The following PLPP3 variants were observed in gnomAD, a reference collection of about 807,000 sequenced individuals.
PLPP3 encodes PAP2 beta.
Under a neutral mutation model 29.6 loss-of-function variants are expected in PLPP3, and 6 were observed. The ratio of observed to expected loss-of-function variants is 0.20; its 90% CI spans 0.11 to 0.40. PLPP3 has a LOEUF of 0.40. Ranked by LOEUF, PLPP3 falls within the 10% of genes least tolerant of loss-of-function variation. PLPP3 has a pLI of 1.00. For missense variants in PLPP3, 308 were observed against 407.7 expected, an observed-to-expected ratio of 0.76 and a Z score of 2.11; for synonymous variants, 152 against 159.7, an observed-to-expected ratio of 0.95 and a Z score of 0.36.
chr1:56,508,217 T>G (rs939362274), intron 5 of PLPP3, among the ~76,000 whole-genome samples: 1 of 152,076 alleles, frequency 6.6e-6, no homozygotes. Flanking sequence ...GAAACTCAGG[T>G]GTTGGAAAAT....
intron 1 of PLPP3, among the ~76,000 whole-genome samples, chr1:56,546,393 T>C (rs1368663950): frequency 2.0e-5 from 3 of 152,236 alleles, no homozygotes; most frequent in Non-Finnish European, 2.9e-5. Flanking sequence ...CCTTGGTTAA[T>C]GACTCTTGGG....
At chr1:56,500,294 T>C (rs996683618) in intron 5 of PLPP3, among the ~76,000 whole-genome samples, 1 of 152,112 alleles carries the variant, frequency 6.6e-6, no homozygotes, top group African/African-American at 2.4e-5. Flanking sequence ...CAATACAGCA[T>C]ATTAAGGATT....
intron 2 of PLPP3, among the ~76,000 whole-genome samples, chr1:56,532,646 G>A (rs540117133): frequency 3.9e-5 from 6 of 152,196 alleles, no homozygotes; most frequent in Admixed American, 1.3e-4. Flanking sequence ...GAGATTTTAA[G>A]GAAGAAAACA....
chr1:56,526,352 A>T (rs1645853030), intron 2 of PLPP3, among the ~76,000 whole-genome samples: 1 of 152,202 alleles, frequency 6.6e-6, no homozygotes, highest in South Asian at 2.1e-4. Context: ...TCATTAATGA[A>T]AGGGACCATT....
At chr1:56,518,713 A>ATT (rs200483478) in intron 4 of PLPP3, among the ~76,000 whole-genome samples, 4 of 123,200 alleles carry the variant, frequency 3.2e-5, no homozygotes, top group African/African-American at 1.1e-4. Context: ...TTTTTTAATC[A>ATT]TTTATATATA....
chr1:56,518,715 T>TATATATATATATATATATATATA (rs1645798825), intron 4 of PLPP3, among the ~76,000 whole-genome samples: 2 of 126,670 alleles, frequency 1.6e-5, no homozygotes, highest in African/African-American at 5.6e-5. Flanking sequence ...TTTTAATCAT[T>TATATATATATATATATATATATA]TATATATATA....
intron 1 of PLPP3, among the ~76,000 whole-genome samples, chr1:56,572,467 T>C (rs944161952): frequency 6.6e-6 from 1 of 152,192 alleles, no homozygotes; most frequent in Non-Finnish European, 1.5e-5. Flanking sequence ...TCCTAAGGCA[T>C]ATCTGTCTTT....
chr1:56,505,053 A>G (rs1054498034), intron 5 of PLPP3, among the ~76,000 whole-genome samples: 3 of 152,206 alleles, frequency 2.0e-5, no homozygotes, highest in East Asian at 1.9e-4. Flanking sequence ...GGGTGCCTCT[A>G]TTGGGTTATG....
intron 1 of PLPP3, among the ~76,000 whole-genome samples, chr1:56,569,017 T>C (rs1646180340): frequency 1.3e-5 from 2 of 152,110 alleles, no homozygotes; most frequent in South Asian, 4.1e-4. Context: ...TTAGCTCCTC[T>C]GCCTCCCATT....
intron 1 of PLPP3, among the ~76,000 whole-genome samples, chr1:56,545,650 T>C (rs1000033977): frequency 6.6e-6 from 1 of 152,280 alleles, no homozygotes; most frequent in Non-Finnish European, 1.5e-5. Flanking sequence ...TGATGCTGTA[T>C]CGGAGGCAAG....
chr1:56,514,359 C>T (rs61772593), intron 4 of PLPP3, among the ~76,000 whole-genome samples: 4,438 of 152,078 alleles, frequency 0.029, 85 homozygotes, highest in Middle Eastern at 0.048. Flanking sequence ...AGGCCTTCCA[C>T]AGAAGTTCCC....
Position 56,496,810 on chromosome 1 carries a change from C to T in PLPP3, c.811-134G>A, listed in dbSNP as rs1204672104. ...TCATAACTCTTTGAATAGGGAAGGA[C>T]AACAGAGATCATATCATCAAGGTTT... On this transcript the variant is annotated intron_variant, in intron 5 of 5. Transcript: ENST00000371250. The T allele has an allele frequency of 3.6e-6, 3 of 832,896 alleles. No homozygotes were observed. In the East Asian group the frequency reaches 8.2e-5, roughly 23 times the overall value. The allele number at this position is 832,896 out of a possible 1,614,324, so 51.6% of individuals were successfully genotyped here.
At chr1:56,557,009 AGAGAGAGAGAGAG>A (rs1178083980) in intron 1 of PLPP3, among the ~76,000 whole-genome samples, 8 of 7,298 alleles carry the variant, frequency 1.1e-3, no homozygotes, top group East Asian at 2.6e-3. Context: ...AAAGAAAGAA[AGAGAGAGAGAGAG>A]AGAAAGAGAG....
Position 56,576,256 on chromosome 1 carries a change from A to C in PLPP3, c.139+2622T>G, listed in dbSNP as rs556527977. Reference sequence around the variant, plus strand: ...ATTCCTGTGAGAGAATAAACAGAAAACTGTCTCTCTTCTTAATATATTAGT... The same window carrying C: ...ATTCCTGTGAGAGAATAAACAGAAACCTGTCTCTCTTCTTAATATATTAGT... On this transcript the variant is annotated intron_variant, in intron 1 of 5. Coordinates refer to ENST00000371250, the MANE Select transcript of PLPP3 (RefSeq NM_003713.5). Among the ~76,000 whole-genome samples the C allele has an allele frequency of 2.9e-4, 44 of 152,310 alleles. No homozygotes were observed. The East Asian group carries it at 8.1e-3, about 28-fold the overall frequency.
chr1:56,578,817 C>T, intron 1 of PLPP3, 61 bp downstream of exon 1: 1 of 1,463,402 alleles, frequency 6.8e-7, no homozygotes, highest in South Asian at 1.3e-5. Flanking sequence ...CCGGACTGGG[C>T]TGGGACGCGC....
At chr1:56,512,873 A>G (rs1174185935) in intron 4 of PLPP3, 1 of 152,212 alleles carries the variant, frequency 6.6e-6, no homozygotes, top group Non-Finnish European at 1.5e-5. Context: ...TTTTTTTACA[A>G]TTGATGACAA....
At chr1:56,514,016 C>G (rs1645764275) in intron 4 of PLPP3, among the ~76,000 whole-genome samples, 1 of 150,662 alleles carries the variant, frequency 6.6e-6, no homozygotes. Context: ...TCTAAAAGAC[C>G]AAATCTGTGG....
At chr1:56,508,648 G>A (rs1645720097) in intron 5 of PLPP3, among the ~76,000 whole-genome samples, 1 of 152,186 alleles carries the variant, frequency 6.6e-6, no homozygotes, top group Non-Finnish European at 1.5e-5. Flanking sequence ...TGATTCGTGG[G>A]GAAGAGTTCT....
rs78347498 is a variant in PLPP3 at position 56,545,722 on chromosome 1, C to T, written c.140-8610G>A. On this transcript the variant is annotated intron_variant, in intron 1 of 5. Transcript: ENST00000371250. ...TTTTTCCAGCAGTTAAAAATTCATT[C>T]GTCAGCATGTGCACTCCCATCCAAG... Among the ~76,000 whole-genome samples, 673 of 152,228 alleles carry T rather than the reference C, an allele frequency of 4.4e-3. 5 individuals carry two copies. Among genetic ancestry groups the T allele is most frequent in the African/African-American group, 0.015 (622 of 41,518 alleles).
Sources: allele counts gnomAD v4.1 joint callset (sites outside exome capture counted in the v4.1 genomes callset), GRCh38; gene constraint gnomAD v4.1.1; transcripts MANE v1.5; gene names NCBI Gene and HGNC (gene_info 2026-07-23, HGNC 2026-07-21).